DOCK4: variants seen among roughly 807,000 people sequenced by gnomAD.
The protein encoded by DOCK4 is dedicator of cytokinesis protein 4.
Under a neutral mutation model 268.1 loss-of-function variants are expected in DOCK4, and 97 were observed. That is an observed-to-expected ratio of 0.36 (90% CI 0.31 to 0.43). The LOEUF (loss-of-function observed/expected upper bound fraction) is 0.43. DOCK4 is among the 20% of genes least tolerant of loss of function. The pLI is 1.00. For missense variants in DOCK4, 2,145 were observed against 2,455.7 expected, an observed-to-expected ratio of 0.87 and a Z score of 2.67; for synonymous variants, 954 against 887.2, an observed-to-expected ratio of 1.08 and a Z score of -1.34.
At chr7:112,059,148 T>G (rs1359251507) in intron 1 of DOCK4, among the ~76,000 whole-genome samples, 1 of 142,498 alleles carries the variant, frequency 7.0e-6, no homozygotes, top group Non-Finnish European at 1.5e-5. Flanking sequence ...TTTTTTTTTT[T>G]TTTTTTTTTT....
chr7:112,084,684 A>G (rs753284884), intron 1 of DOCK4, among the ~76,000 whole-genome samples: 25 of 152,160 alleles, frequency 1.6e-4, no homozygotes, highest in Admixed American at 4.6e-4. Flanking sequence ...AATGAAAACG[A>G]AAGAAAATCC....
intron 16 of DOCK4, among the ~76,000 whole-genome samples, chr7:111,883,479 T>C (rs939145070): frequency 6.6e-6 from 1 of 152,170 alleles, no homozygotes; most frequent in Admixed American, 6.5e-5. Context: ...GTATGATCCA[T>C]CTGTTCACAG....
At position 112,029,913 on chromosome 7, in the gene DOCK4, T is replaced by A. The variant is rs140847820; in HGVS notation, c.38-25782A>T. Among the ~76,000 whole-genome samples, 676 of 152,306 alleles carry A rather than the reference T, an allele frequency of 4.4e-3. 6 individuals carry two copies. The highest frequency in any genetic ancestry group is 0.015 in the African/African-American group (604 of 41,562). On this transcript the variant is annotated intron_variant, in intron 1 of 52. Transcript: ENST00000428084. ...TCATGACAATTAAATAGCTATAATA[T>A]CTCAAAAAAGATCTGAATATCTAAA...
At chr7:111,886,263 T>C (rs6971767) in intron 16 of DOCK4, among the ~76,000 whole-genome samples, 20,456 of 152,210 alleles carry the variant, frequency 0.13, 2,015 homozygotes, top group African/African-American at 0.28. Context: ...TAAATAGTTT[T>C]TGGAGGAAAA....
chr7:111,944,021 T>C (rs536128297), intron 10 of DOCK4, among the ~76,000 whole-genome samples: 1 of 152,296 alleles, frequency 6.6e-6, no homozygotes, highest in African/African-American at 2.4e-5. Flanking sequence ...TAATGACTGA[T>C]TAGACTTAAC....
At chr7:111,959,739 G>T (rs2134966025) in intron 8 of DOCK4, among the ~76,000 whole-genome samples, 1 of 152,288 alleles carries the variant, frequency 6.6e-6, no homozygotes, top group East Asian at 1.9e-4. Context: ...AAGGCTATTA[G>T]ATTGTATCAG....
At chr7:111,729,236 C>T (rs777046563) in intron 52 of DOCK4, among the ~76,000 whole-genome samples, 4 of 152,300 alleles carry the variant, frequency 2.6e-5, no homozygotes, top group Admixed American at 1.3e-4. Flanking sequence ...TTCAGTTCAC[C>T]GCCCAGTTTA....
chr7:111,909,091 C>T (rs1791868132), intron 13 of DOCK4, among the ~76,000 whole-genome samples: 1 of 152,232 alleles, frequency 6.6e-6, no homozygotes. Flanking sequence ...AATCGCCACA[C>T]TGACTTCCAC....
intron 24 of DOCK4, among the ~76,000 whole-genome samples, chr7:111,846,445 T>C (rs73436229): frequency 0.014 from 2,054 of 152,110 alleles, 39 homozygotes; most frequent in African/African-American, 0.047. Flanking sequence ...TCTAATGCAA[T>C]TGCATTGCAT....
chr7:112,138,828 G>A (rs932233912), intron 1 of DOCK4, among the ~76,000 whole-genome samples: 7 of 152,140 alleles, frequency 4.6e-5, no homozygotes, highest in Admixed American at 6.5e-5. Flanking sequence ...AAGGAAGGCA[G>A]AGAAAGATCT....
intron 35 of DOCK4, among the ~76,000 whole-genome samples, chr7:111,779,159 G>A (rs966781807): frequency 2.6e-5 from 4 of 151,948 alleles, no homozygotes; most frequent in African/African-American, 9.7e-5. Flanking sequence ...GGGAAAGAGG[G>A]TAAATAAAAA....
chr7:111,821,011 A>G (rs188884048), intron 27 of DOCK4: 2 of 151,126 alleles, frequency 1.3e-5, no homozygotes, highest in East Asian at 3.9e-4. Context: ...AATATGTTAA[A>G]TTCTAAAGAG....
chr7:112,120,493 A>T (rs1019278425), intron 1 of DOCK4, among the ~76,000 whole-genome samples: 29 of 152,232 alleles, frequency 1.9e-4, no homozygotes, highest in African/African-American at 6.8e-4. Context: ...AAAATCAGAC[A>T]CTAAAACCCC....
intron 1 of DOCK4, among the ~76,000 whole-genome samples, chr7:112,110,355 G>A (rs1811539557): frequency 6.6e-6 from 1 of 152,206 alleles, no homozygotes; most frequent in Non-Finnish European, 1.5e-5. Flanking sequence ...ATCACTCTGT[G>A]GATTGAGTCC....
chr7:111,960,816 T>C (rs1437646979), intron 8 of DOCK4, among the ~76,000 whole-genome samples: 2 of 152,156 alleles, frequency 1.3e-5, no homozygotes, highest in African/African-American at 4.8e-5. Context: ...TCACTTAACA[T>C]AATGTCCTCC....
intron 30 of DOCK4, among the ~76,000 whole-genome samples, chr7:111,792,186 G>C (rs1374769116): frequency 6.6e-6 from 1 of 152,208 alleles, no homozygotes; most frequent in African/African-American, 2.4e-5. Flanking sequence ...ACTATTGCAT[G>C]CTATGAAAAA....
At chr7:112,204,347 G>T (rs1031448128) in intron 1 of DOCK4, among the ~76,000 whole-genome samples, 11 of 152,178 alleles carry the variant, frequency 7.2e-5, no homozygotes, top group African/African-American at 2.7e-4. Context: ...CTCCAAGCAG[G>T]ACAGTTTTGC....
intron 1 of DOCK4, among the ~76,000 whole-genome samples, chr7:112,173,984 T>C (rs1331116352): frequency 6.6e-6 from 1 of 151,996 alleles, no homozygotes; most frequent in Non-Finnish European, 1.5e-5. Context: ...AGCCTTCCCA[T>C]GCAGGGTTTT....
intron 14 of DOCK4, among the ~76,000 whole-genome samples, chr7:111,900,773 G>A (rs1462076857): frequency 6.6e-6 from 1 of 152,200 alleles, no homozygotes; most frequent in Non-Finnish European, 1.5e-5. Context: ...TGACACGTGG[G>A]AGATGGACGA....
Sources: allele counts gnomAD v4.1 joint callset (sites outside exome capture counted in the v4.1 genomes callset), GRCh38; gene constraint gnomAD v4.1.1; transcripts MANE v1.5; gene names NCBI Gene and HGNC (gene_info 2026-07-23, HGNC 2026-07-21).